FBXL20: variants seen among roughly 807,000 people sequenced by gnomAD.
FBXL20 encodes the protein F-box and leucine rich repeat protein 20, also known as F-box/LRR-repeat protein 20.
In FBXL20, 11 loss-of-function variants were observed where a neutral mutation model predicts 64.0. That is an observed-to-expected ratio of 0.17 (90% CI 0.11 to 0.28). The LOEUF is 0.28. Among genes scored for constraint, FBXL20 ranks in the 10% least tolerant of loss-of-function variants. The pLI is 1.00. For missense variants in FBXL20, 303 were observed against 526.2 expected, an observed-to-expected ratio of 0.58 and a Z score of 4.15; for synonymous variants, 184 against 189.0, an observed-to-expected ratio of 0.97 and a Z score of 0.22.
chr17:39,264,072 TA>T, intron 14 of FBXL20, 102 bp downstream of exon 14: 1 of 1,248,962 alleles, frequency 8.0e-7, no homozygotes, highest in South Asian at 1.4e-5. Flanking sequence ...AATGTTCAAG[TA>T]AATATAAAAA....
At chr17:39,292,134 A>T (rs1175466579) in intron 6 of FBXL20, among the ~76,000 whole-genome samples, 1 of 150,588 alleles carries the variant, frequency 6.6e-6, no homozygotes, top group Non-Finnish European at 1.5e-5. Context: ...TATCAAGTTC[A>T]TTGATAGTGT....
intron 1 of FBXL20, among the ~76,000 whole-genome samples, chr17:39,387,558 C>T (rs534526444): frequency 8.8e-4 from 132 of 149,838 alleles, no homozygotes; most frequent in African/African-American, 3.0e-3. Context: ...GGATTACAGG[C>T]GTGTGCCACA....
chr17:39,274,785 T>G (rs1398538155), intron 10 of FBXL20, among the ~76,000 whole-genome samples, 185 bp downstream of exon 10: 1 of 152,202 alleles, frequency 6.6e-6, no homozygotes, highest in Non-Finnish European at 1.5e-5. Context: ...ACCCCTTGGT[T>G]CACACCAATT....
chr17:39,402,525 G>C (rs1161431938), upstream of FBXL20: 1 of 280,306 alleles, frequency 3.6e-6, no homozygotes, highest in East Asian at 5.7e-5. Context: ...TCCTTTGGCC[G>C]GGGTCGGGGC....
At chr17:39,401,025 G>A (rs533636800) in intron 1 of FBXL20, among the ~76,000 whole-genome samples, 135 of 152,374 alleles carry the variant, frequency 8.9e-4, no homozygotes, top group African/African-American at 3.0e-3. Flanking sequence ...TGGTGGACCG[G>A]AGCCGTGATG....
rs2046695050 is a variant in FBXL20, at chr17:39,256,307, C to CGA, written c.*5151_*5152dup. 3 of 123,880 alleles carry CGA rather than the reference C, an allele frequency of 2.4e-5. No individual in the cohort carries two copies. Among genetic ancestry groups the CGA allele is most frequent in the African/African-American group, 9.5e-5 (3 of 31,520 alleles). The allele number at this position is 123,880 out of a possible 1,614,324, so 7.7% of individuals were successfully genotyped here. On this transcript the variant is annotated 3_prime_UTR_variant, in exon 15 of 15. Transcript: ENST00000264658. ...TGGCACTCCAACCTGGGTGACAGAG[C>CGA]GAGACTCCATGTCAAAAAAAAAAAA... is the stretch of plus-strand genomic sequence containing the variant.
At chr17:39,333,584 G>A (rs1030325770) in intron 2 of FBXL20, among the ~76,000 whole-genome samples, 5 of 152,066 alleles carry the variant, frequency 3.3e-5, no homozygotes, top group African/African-American at 9.7e-5. Context: ...AGGAAGTGAG[G>A]AGCGTCTCTG....
rs138957916 is a variant in FBXL20, at chr17:39,261,535, G to A, written c.1236C>T (p.Tyr412=). The A allele has an allele frequency of 4.3e-6, 7 of 1,613,906 alleles. No individual in the cohort carries two copies. The highest frequency in any genetic ancestry group is 5.9e-6 in the Non-Finnish European group (7 of 1,179,806). The part of the protein sequence containing the change: ...THLPNIKVHA[Y]FAPVTPPPSV... ...ATGGGGGTGGAGTGACAGGTGCGAA[G>A]TAGGCGTGGACTTTAATATTGGGTA... The change falls in exon 15 of 15, where the codon TAC becomes TAT. Residue 412 remains tyrosine, a synonymous_variant. Coordinates refer to ENST00000264658, the MANE Select transcript of FBXL20 (RefSeq NM_032875.3).
chr17:39,389,352 T>C (rs556415065), intron 1 of FBXL20, among the ~76,000 whole-genome samples: 11 of 152,280 alleles, frequency 7.2e-5, no homozygotes, highest in Middle Eastern at 3.4e-3. Flanking sequence ...TGTGATATGA[T>C]TTTGTTTAAT....
intron 6 of FBXL20, among the ~76,000 whole-genome samples, chr17:39,288,797 C>T (rs1239702501): frequency 6.6e-6 from 1 of 152,090 alleles, no homozygotes; most frequent in Non-Finnish European, 1.5e-5. Flanking sequence ...CAACCTCTGC[C>T]TCCCAGGTTC....
intron 6 of FBXL20, 52 bp from the exon 7 acceptor site, chr17:39,285,625 C>A (rs1168366849): frequency 8.4e-7 from 1 of 1,193,930 alleles, no homozygotes; most frequent in Non-Finnish European, 1.2e-6. Context: ...AAGTACACAT[C>A]CTTGGTATAT....
At chr17:39,272,514 C>T (rs1207252929) in intron 10 of FBXL20, among the ~76,000 whole-genome samples, 3 of 151,242 alleles carry the variant, frequency 2.0e-5, no homozygotes, top group African/African-American at 7.3e-5. Context: ...CCCTGGCCAA[C>T]ACAGTAAAAC....
chr17:39,348,787 C>T (rs2047659255), intron 1 of FBXL20, among the ~76,000 whole-genome samples: 1 of 152,172 alleles, frequency 6.6e-6, no homozygotes, highest in African/African-American at 2.4e-5. Flanking sequence ...GCAGCCTTGA[C>T]CTCCGGACTC....
At chr17:39,315,997 T>C (rs1368244275) in intron 2 of FBXL20, among the ~76,000 whole-genome samples, 2 of 152,084 alleles carry the variant, frequency 1.3e-5, no homozygotes, top group African/African-American at 4.8e-5. Flanking sequence ...CCAAGGTGGA[T>C]CACTTGAACC....
intron 2 of FBXL20, among the ~76,000 whole-genome samples, chr17:39,322,152 A>C (rs2047362624): frequency 7.5e-6 from 1 of 133,334 alleles, no homozygotes. Flanking sequence ...ATAGTGAGAC[A>C]CTATCTCTAC....
chr17:39,399,687 A>C (rs911607745), intron 1 of FBXL20, among the ~76,000 whole-genome samples: 2 of 152,200 alleles, frequency 1.3e-5, no homozygotes, highest in African/African-American at 4.8e-5. Context: ...CATCAGCTAC[A>C]AGTTAAAAAG....
At chr17:39,291,979 C>T (rs1485456595) in intron 6 of FBXL20, among the ~76,000 whole-genome samples, 1 of 140,372 alleles carries the variant, frequency 7.1e-6, no homozygotes, top group Non-Finnish European at 1.5e-5. Context: ...ACAGAACATA[C>T]CCAATATGAT....
At chr17:39,387,079 A>G (rs1446919940) in intron 1 of FBXL20, among the ~76,000 whole-genome samples, 1 of 152,212 alleles carries the variant, frequency 6.6e-6, no homozygotes, top group Non-Finnish European at 1.5e-5. Flanking sequence ...ATCAGTGGAA[A>G]CTGCAATGAG....
Position 39,317,673 on chromosome 17 carries a change from CTTTGTTTTTTTT to C in FBXL20, c.105-14046_105-14035del, listed in dbSNP as rs1200904472. Among the ~76,000 whole-genome samples, 630 of 108,404 alleles carry C rather than the reference CTTTGTTTTTTTT, an allele frequency of 5.8e-3. 4 individuals carry two copies. The highest frequency in any genetic ancestry group is 0.012 in the Middle Eastern group (2 of 166). 71.1% of individuals were successfully genotyped at this position (108,404 alleles called of 152,430 possible). ...GAATTTAATACATAGGAGAGTTTGA[CTTTGTTTTTTTT>C]TTTGTTTTTTTTTTTGTTTTTTTTT... On this transcript the variant is annotated intron_variant, in intron 2 of 14. Coordinates refer to ENST00000264658, the MANE Select transcript of FBXL20 (RefSeq NM_032875.3).
Sources: allele counts gnomAD v4.1 joint callset (sites outside exome capture counted in the v4.1 genomes callset), GRCh38; gene constraint gnomAD v4.1.1; transcripts MANE v1.5; gene names NCBI Gene and HGNC (gene_info 2026-07-23, HGNC 2026-07-21).